FOXN3: variants seen among roughly 807,000 people sequenced by gnomAD.
The protein encoded by FOXN3 is forkhead box protein N3.
Under a neutral mutation model 38.4 loss-of-function variants are expected in FOXN3, and 7 were observed. The observed-to-expected ratio is 0.18, with a 90% CI of 0.10 to 0.34. The LOEUF (loss-of-function observed/expected upper bound fraction) is 0.34. FOXN3 is among the 10% of genes least tolerant of loss of function. FOXN3 has a pLI of 1.00. For missense variants in FOXN3, 456 were observed against 613.4 expected (o/e 0.74, Z 2.71); for synonymous variants, 230 against 242.2 (o/e 0.95, Z 0.47).
chr14:89,236,334 T>C (rs538030313), intron 4 of FOXN3, among the ~76,000 whole-genome samples: 1 of 152,066 alleles, frequency 6.6e-6, no homozygotes, highest in East Asian at 1.9e-4. Context: ...GCTAACACAG[T>C]GAAACCCCAT....
At chr14:89,388,031 A>G (rs1890839671) in intron 2 of FOXN3, among the ~76,000 whole-genome samples, 1 of 152,134 alleles carries the variant, frequency 6.6e-6, no homozygotes, top group Non-Finnish European at 1.5e-5. Flanking sequence ...AAAAATACAA[A>G]AATTAGCCTA....
At chr14:89,617,634 G>A (rs544739905) in intron 1 of FOXN3, among the ~76,000 whole-genome samples, 1 of 152,330 alleles carries the variant, frequency 6.6e-6, no homozygotes, top group East Asian at 1.9e-4. Context: ...CTTATGAGCA[G>A]AAATCATTGA....
intron 1 of FOXN3, among the ~76,000 whole-genome samples, chr14:89,589,679 G>C (rs1895913063): frequency 8.4e-6 from 1 of 118,440 alleles, no homozygotes; most frequent in Non-Finnish European, 1.6e-5. Flanking sequence ...AAACCACCTA[G>C]CAACAGTCAA....
chr14:89,260,769 T>G (rs1306384577), intron 4 of FOXN3, among the ~76,000 whole-genome samples: 1 of 152,252 alleles, frequency 6.6e-6, no homozygotes. Flanking sequence ...TATGTTTGCA[T>G]GCGCTGCTCA....
chr14:89,557,727 G>C (rs867994112), intron 1 of FOXN3, among the ~76,000 whole-genome samples: 2 of 152,214 alleles, frequency 1.3e-5, no homozygotes, highest in African/African-American at 4.8e-5. Flanking sequence ...GTACCAAAGG[G>C]GGGCACGGTG....
intron 2 of FOXN3, among the ~76,000 whole-genome samples, chr14:89,354,666 C>G (rs1889132420): frequency 6.6e-6 from 1 of 151,378 alleles, no homozygotes; most frequent in South Asian, 2.1e-4. Flanking sequence ...ACCAGCCTGA[C>G]TAACATGGTG....
At chr14:89,377,153 C>T (rs1596238238) in intron 2 of FOXN3, among the ~76,000 whole-genome samples, 1 of 148,526 alleles carries the variant, frequency 6.7e-6, no homozygotes, top group East Asian at 2.0e-4. Context: ...AGGATGTGGG[C>T]ATTCCACAAA....
At chr14:89,473,925 C>T (rs758447662) in intron 1 of FOXN3, among the ~76,000 whole-genome samples, 3 of 151,546 alleles carry the variant, frequency 2.0e-5, no homozygotes, top group Non-Finnish European at 4.4e-5. Flanking sequence ...TATTCTCCCA[C>T]GCTAAAAAAA....
intron 4 of FOXN3, among the ~76,000 whole-genome samples, chr14:89,181,057 T>C (rs1190732780): frequency 6.8e-6 from 1 of 148,080 alleles, no homozygotes; most frequent in African/African-American, 2.5e-5. Context: ...CACCTGCACA[T>C]ACAGACATGC....
At chr14:89,587,573 A>G (rs571762306) in intron 1 of FOXN3, among the ~76,000 whole-genome samples, 2 of 152,308 alleles carry the variant, frequency 1.3e-5, no homozygotes, top group Non-Finnish European at 2.9e-5. Context: ...CGGGGAAAAA[A>G]GCTCAGGCAT....
chr14:89,386,823 G>T (rs1890801307), intron 2 of FOXN3, among the ~76,000 whole-genome samples: 1 of 152,168 alleles, frequency 6.6e-6, no homozygotes, highest in Non-Finnish European at 1.5e-5. Context: ...TGCTCATGGG[G>T]ACTGCCCTTG....
In FOXN3 at chr14:89,308,132, G is replaced by A. The variant is rs184637758; in HGVS notation, c.681-27118C>T. Among the ~76,000 whole-genome samples the A allele has an allele frequency of 2.9e-3, 444 of 152,188 alleles. 4 individuals carry two copies. Among genetic ancestry groups the A allele is most frequent in the African/African-American group, 9.8e-3 (406 of 41,500 alleles). The stretch of plus-strand genomic sequence containing the variant: ...ATACACAGTTTAGCCAGGCGTGGTG[G>A]CACCCGCCTATAATCCCAGCTACTC... On this transcript the variant is annotated intron_variant, in intron 3 of 5. Coordinates refer to ENST00000557258, the MANE Select transcript of FOXN3 (RefSeq NM_005197.4).
intron 3 of FOXN3, among the ~76,000 whole-genome samples, chr14:89,303,612 T>A (rs924504987): frequency 3.3e-5 from 5 of 151,792 alleles, no homozygotes; most frequent in African/African-American, 1.2e-4. Flanking sequence ...TTAATGAGGG[T>A]CGCATGGCTA....
At chr14:89,420,511 GTC>G (rs1891875218), upstream of FOXN3, among the ~76,000 whole-genome samples, 2 of 152,186 alleles carry the variant, frequency 1.3e-5, no homozygotes, top group South Asian at 4.1e-4. Flanking sequence ...ACCAACTAGA[GTC>G]TTCTAGGATG....
At chr14:89,589,047 T>G (rs1895901880) in intron 1 of FOXN3, among the ~76,000 whole-genome samples, 1 of 152,216 alleles carries the variant, frequency 6.6e-6, no homozygotes, top group Non-Finnish European at 1.5e-5. Context: ...ACAAATCTAG[T>G]GACTTGCTGT....
chr14:89,528,220 G>A (rs73331162), intron 1 of FOXN3, among the ~76,000 whole-genome samples: 2,016 of 152,004 alleles, frequency 0.013, 36 homozygotes, highest in African/African-American at 0.046. Flanking sequence ...GGTACACAAA[G>A]GTTCACAGCA....
intron 2 of FOXN3, among the ~76,000 whole-genome samples, chr14:89,392,814 T>C (rs940768752): frequency 8.6e-5 from 13 of 150,710 alleles, no homozygotes; most frequent in African/African-American, 3.2e-4. Context: ...CTAATTTTTT[T>C]TTTTTTTTTT....
intron 1 of FOXN3, among the ~76,000 whole-genome samples, chr14:89,415,491 C>G (rs1260852919): frequency 1.3e-5 from 2 of 151,498 alleles, no homozygotes; most frequent in Non-Finnish European, 2.9e-5. Context: ...GCTGGGACCC[C>G]GTACTCTCCA....
chr14:89,611,252 A>C (rs1363506021), intron 1 of FOXN3, among the ~76,000 whole-genome samples: 1 of 152,232 alleles, frequency 6.6e-6, no homozygotes, highest in Non-Finnish European at 1.5e-5. Context: ...TGCTGACTTA[A>C]GCCAGTTTTT....
Sources: allele counts gnomAD v4.1 joint callset (sites outside exome capture counted in the v4.1 genomes callset), GRCh38; gene constraint gnomAD v4.1.1; transcripts MANE v1.5; gene names NCBI Gene and HGNC (gene_info 2026-07-23, HGNC 2026-07-21).